DAPK1: variants seen among roughly 807,000 people sequenced by gnomAD.
The protein encoded by DAPK1 is death associated protein kinase 1.
A neutral mutation model predicts 144.9 loss-of-function variants in DAPK1; 56 were observed. The ratio of observed to expected loss-of-function variants is 0.39; its 90% CI spans 0.31 to 0.48. DAPK1 has a LOEUF of 0.48. Ranked by LOEUF, DAPK1 falls within the 20% of genes least tolerant of loss-of-function variation. The probability of loss-of-function intolerance (pLI) is 0.95; values close to 1 mark genes in which losing one functional copy is unlikely to be tolerated. For synonymous variants in DAPK1, 690 were observed against 749.0 expected, an observed-to-expected ratio of 0.92 and a Z score of 1.29; for missense variants, 1,454 against 1,875.4, an observed-to-expected ratio of 0.78 and a Z score of 4.15.
intron 2 of DAPK1, among the ~76,000 whole-genome samples, chr9:87,519,236 G>C (rs1032447392): frequency 6.6e-6 from 1 of 152,162 alleles, no homozygotes; most frequent in African/African-American, 2.4e-5. Flanking sequence ...GGCACCTCCC[G>C]CATGCACCAT....
intron 2 of DAPK1, among the ~76,000 whole-genome samples, chr9:87,568,222 G>A (rs906133847): frequency 9.2e-5 from 14 of 152,240 alleles, no homozygotes; most frequent in Non-Finnish European, 1.8e-4. Flanking sequence ...TGCATTGGGC[G>A]CTGACTGCCT....
chr9:87,521,242 G>GA (rs574253202), intron 2 of DAPK1, among the ~76,000 whole-genome samples: 19 of 152,352 alleles, frequency 1.2e-4, no homozygotes, highest in African/African-American at 4.6e-4. Flanking sequence ...ACCAGGTCAT[G>GA]AAATTCCTGA....
intron 23 of DAPK1, among the ~76,000 whole-genome samples, chr9:87,699,465 G>A (rs1247358551): frequency 6.6e-6 from 1 of 152,182 alleles, no homozygotes; most frequent in African/African-American, 2.4e-5. Context: ...GGAAAGGACA[G>A]GACAGGATAG....
At chr9:87,517,094 C>G (rs994870835) in intron 2 of DAPK1, among the ~76,000 whole-genome samples, 4 of 148,730 alleles carry the variant, frequency 2.7e-5, no homozygotes, top group African/African-American at 9.9e-5. Context: ...GAACCACCTG[C>G]AGGGAGCCAC....
intron 2 of DAPK1, among the ~76,000 whole-genome samples, chr9:87,558,527 T>C (rs944022345): frequency 1.5e-4 from 22 of 145,502 alleles, no homozygotes; most frequent in Non-Finnish European, 3.2e-4. Context: ...CACACAGCCG[T>C]GTGAGTACAG....
At chr9:87,520,891 T>G (rs1156826994) in intron 2 of DAPK1, among the ~76,000 whole-genome samples, 1 of 152,252 alleles carries the variant, frequency 6.6e-6, no homozygotes, top group Non-Finnish European at 1.5e-5. Context: ...TAACAAACTA[T>G]GTGCACTCTT....
rs376125470 is a variant in DAPK1 at position 87,700,198 on chromosome 9, T to G, written c.2832T>G (p.Leu944=). 3.1e-6 allele frequency: 5 copies of G among 1,609,766 alleles called. No individual in the cohort carries two copies. The African/African-American group carries it at 6.7e-5, about 22-fold the overall frequency. Residue 944 remains leucine (L), a synonymous_variant, in exon 24 of 26, where the codon CTT becomes CTG. Transcript: ENST00000408954. ...GASGSKDMKV[L]RNHLQEIRSQ... is the part of the protein sequence containing the mutation. Reference sequence around the variant, plus strand: ...CTGGGTCAAAGGACATGAAGGTACTTCGAAATCATCTGCAAGAAATACGAA... The same window carrying G: ...CTGGGTCAAAGGACATGAAGGTACTGCGAAATCATCTGCAAGAAATACGAA...
intron 2 of DAPK1, among the ~76,000 whole-genome samples, chr9:87,602,657 G>A (rs576411339): frequency 5.3e-5 from 8 of 151,438 alleles, no homozygotes; most frequent in South Asian, 4.2e-4. Flanking sequence ...CCCCTGAGAC[G>A]GAGTTTTGCT....
chr9:87,514,758 C>T (rs1274010869), intron 2 of DAPK1, among the ~76,000 whole-genome samples: 1 of 152,250 alleles, frequency 6.6e-6, no homozygotes, highest in East Asian at 1.9e-4. Context: ...AATTCAGCAG[C>T]AGGGAGACTT....
chr9:87,617,497 G>A (rs1829137935), intron 3 of DAPK1, among the ~76,000 whole-genome samples: 1 of 152,122 alleles, frequency 6.6e-6, no homozygotes, highest in Non-Finnish European at 1.5e-5. Flanking sequence ...AGTTTTCCTG[G>A]AGACAGGACG....
At chr9:87,635,886 T>G (rs1351626115) in intron 3 of DAPK1, among the ~76,000 whole-genome samples, 3 of 152,100 alleles carry the variant, frequency 2.0e-5, no homozygotes, top group African/African-American at 7.2e-5. Context: ...AGCCCAGTGG[T>G]GCGGGGCGCC....
chr9:87,645,382 C>A (rs1316501880), intron 11 of DAPK1, among the ~76,000 whole-genome samples: 1 of 151,844 alleles, frequency 6.6e-6, no homozygotes, highest in Non-Finnish European at 1.5e-5. Flanking sequence ...GAGATTTTTG[C>A]CGTGTTATTC....
rs563936327 is a variant in DAPK1, at chr9:87,629,419, A to G, written c.285-8524A>G. Among the ~76,000 whole-genome samples, 4 of 152,368 alleles carry G rather than the reference A, an allele frequency of 2.6e-5. No homozygotes were observed. The East Asian group carries it at 7.7e-4, about 29-fold the overall frequency. On this transcript the variant is annotated intron_variant, in intron 3 of 25. Transcript: ENST00000408954. ...GTAGACACCTTGATTTTGGACTTGTAACCTGAAATTTCTGTCATTTTAAGC... is the reference window on the plus strand; with the variant it reads ...GTAGACACCTTGATTTTGGACTTGTGACCTGAAATTTCTGTCATTTTAAGC...
rs565524564 is a variant in DAPK1, at chr9:87,662,387, A to G, written c.1923+4260A>G. ...AGGTGAGTATTTTGATGGAGATTGC[A>G]TTGAATCTGTAGATTGTTTCAGGCA... On this transcript the variant is annotated intron_variant, in intron 18 of 25. Coordinates refer to ENST00000408954, the MANE Select transcript of DAPK1 (RefSeq NM_004938.4). 7.6e-4 allele frequency among the ~76,000 whole-genome samples: 116 copies of G among 152,216 alleles called. 3 individuals carry two copies. In the South Asian group the frequency reaches 0.023, roughly 30 times the overall value.
At chr9:87,507,258 G>A (rs768546517) in intron 2 of DAPK1, among the ~76,000 whole-genome samples, 20 of 152,180 alleles carry the variant, frequency 1.3e-4, no homozygotes, top group Admixed American at 5.9e-4. Context: ...TGTTGCCCTG[G>A]CTGGAATGCA....
chr9:87,686,380 TGGGA>T lies in DAPK1; in HGVS notation c.2225-170_2225-167del, dbSNP rs1467041542. Among the ~76,000 whole-genome samples, 1 of 152,120 alleles carries T rather than the reference TGGGA, an allele frequency of 6.6e-6. No individual in the cohort carries two copies. Among genetic ancestry groups the T allele is most frequent in the African/African-American group, 2.4e-5 (1 of 41,436 alleles). On this transcript the variant is annotated intron_variant, in intron 20 of 25. Transcript: ENST00000408954. This position sits in a 1 kb window ranked among gnomAD's most constrained non-coding sequence, Gnocchi z 4.2. ...CAAGCGGAAAAGCCCACAGCCTTGC[TGGGA>T]ACACTGCTGCCCTGCACGTGTGAGG...
chr9:87,594,561 C>T lies in DAPK1; in HGVS notation c.63-10393C>T, dbSNP rs1005403491. 2.5e-4 allele frequency among the ~76,000 whole-genome samples: 38 copies of T among 152,308 alleles called. 1 individual carries two copies. The highest frequency in any genetic ancestry group is 8.9e-4 in the African/African-American group (37 of 41,558). On this transcript the variant is annotated intron_variant, in intron 2 of 25. Coordinates refer to ENST00000408954, the MANE Select transcript of DAPK1 (RefSeq NM_004938.4). The stretch of plus-strand genomic sequence containing the variant: ...GAAGGCAGTGGTGCATCTCTAGGCT[C>T]AGGACTCTGCTCTAAGGAGTCTGCC...
chr9:87,636,142 A>G (rs1037917980), intron 3 of DAPK1, among the ~76,000 whole-genome samples: 1 of 152,210 alleles, frequency 6.6e-6, no homozygotes, highest in South Asian at 2.1e-4. Context: ...GGCAGACTGC[A>G]TCTCCCAAGA....
chr9:87,665,928 T>C lies in DAPK1; in HGVS notation c.1924-2669T>C, dbSNP rs1232703971. On this transcript the variant is annotated intron_variant, in intron 18 of 25. Coordinates refer to ENST00000408954, the MANE Select transcript of DAPK1 (RefSeq NM_004938.4). Reference sequence around the variant, plus strand: ...TGAGACACTTGGCCATCTTTCTATATCTTTTCAATGCATGCACTTCATTGA... The same window carrying C: ...TGAGACACTTGGCCATCTTTCTATACCTTTTCAATGCATGCACTTCATTGA... 9.2e-5 allele frequency among the ~76,000 whole-genome samples: 14 copies of C among 152,204 alleles called. 1 individual carries two copies. The South Asian group carries it at 2.3e-3, about 25-fold the overall frequency.
Sources: gnomAD v4.1 joint callset for allele counts (sites outside exome capture counted in the v4.1 genomes callset) on GRCh38, gnomAD v4.1.1 for gene constraint, Gnocchi (gnomAD v3.1) non-coding constraint, MANE v1.5 for transcripts, NCBI Gene and HGNC (gene_info 2026-07-23, HGNC 2026-07-21) for gene names.